The following NF2 variants were observed in gnomAD, a reference collection of about 807,000 sequenced individuals.
The protein encoded by NF2 is NF2, moesin-ezrin-radixin like (MERLIN) tumor suppressor.
NF2 carries 8 observed loss-of-function variants against 83.7 expected under a neutral mutation model. The observed-to-expected ratio is 0.10, with a 90% confidence interval of 0.06 to 0.17. The LOEUF is 0.17. Ranked by LOEUF, NF2 falls within the 10% of genes least tolerant of loss-of-function variation. The pLI is 1.00. For synonymous variants in NF2, 266 were observed against 269.6 expected (o/e 0.99, Z 0.13); for missense variants, 533 against 744.4 (o/e 0.72, Z 3.31).
chr22:29,665,244 T>G lies in NF2; in HGVS notation c.885+180T>G, dbSNP rs2066587833. Among the ~76,000 whole-genome samples, 3 of 152,108 alleles carry G rather than the reference T, an allele frequency of 2.0e-5. No homozygotes were observed. In the South Asian group the frequency reaches 6.2e-4, roughly 32 times the overall value. Reference sequence around the variant, plus strand: ...AATTATATCATGAAGAAGTTTTTTTTTTTGTTTTTTTTTTGAGACAGAGTC... The same window carrying G: ...AATTATATCATGAAGAAGTTTTTTTGTTTGTTTTTTTTTTGAGACAGAGTC... On this transcript the variant is annotated intron_variant, in intron 9 of 15. Coordinates refer to ENST00000338641, the MANE Select transcript of NF2 (RefSeq NM_000268.4).
At chr22:29,643,915 G>C (rs1447833531) in intron 4 of NF2, among the ~76,000 whole-genome samples, 2 of 150,456 alleles carry the variant, frequency 1.3e-5, no homozygotes, top group African/African-American at 4.9e-5. Context: ...TGGCCGGGCG[G>C]GGGGCTGACC....
chr22:29,623,659 G>A (rs1247854151), intron 1 of NF2, among the ~76,000 whole-genome samples: 7 of 152,174 alleles, frequency 4.6e-5, no homozygotes, highest in Admixed American at 3.9e-4. Context: ...AGTCAGTCAG[G>A]CAGAAGGGAA....
chr22:29,679,865 CAAAAA>C (rs1162770802), intron 14 of NF2, among the ~76,000 whole-genome samples: 1 of 117,288 alleles, frequency 8.5e-6, no homozygotes, highest in Admixed American at 8.8e-5. Context: ...CACCCTGTCT[CAAAAA>C]AAAAAAAAAG....
At chr22:29,687,210 G>A (rs73390939) in intron 15 of NF2, among the ~76,000 whole-genome samples, 2,095 of 152,284 alleles carry the variant, frequency 0.014, 55 homozygotes, top group African/African-American at 0.048. Flanking sequence ...GGAAATTGAC[G>A]GATGAGAAAT....
At chr22:29,655,531 G>A (rs1047916423) in intron 5 of NF2, 63 bp from the exon 6 acceptor site, 1 of 1,194,288 alleles carries the variant, frequency 8.4e-7, no homozygotes, top group African/African-American at 1.5e-5. Context: ...AATTATAAAA[G>A]TGGCAAACAA....
At chr22:29,616,268 T>A (rs908197603) in intron 1 of NF2, among the ~76,000 whole-genome samples, 7 of 152,182 alleles carry the variant, frequency 4.6e-5, no homozygotes, top group Non-Finnish European at 1.0e-4. Flanking sequence ...ACACTGAATG[T>A]ACTAAAAACT....
At position 29,636,629 on chromosome 22, in the gene NF2, T is replaced by A; in HGVS notation, c.115-122T>A. ...GCTTTAAAATTATTTAGGAATTCAG[T>A]CCTCATCAGCTGTCTTAGTGTCATC... is the stretch of plus-strand genomic sequence containing the variant. On this transcript the variant is annotated intron_variant, in intron 1 of 15. Transcript: ENST00000338641. This position sits in a 1 kb window ranked among gnomAD's most constrained non-coding sequence, Gnocchi z 4.4. 8.0e-7 allele frequency: 1 copy of A among 1,246,412 alleles called. No individual in the cohort carries two copies. The highest frequency in any genetic ancestry group is 1.2e-5 in the South Asian group (1 of 82,576). The allele number at this position is 1,246,412 out of a possible 1,614,324, so 77.2% of individuals were successfully genotyped here.
In NF2 at chr22:29,603,761, C is replaced by T; in HGVS notation, c.-238C>T. On this transcript the variant is annotated 5_prime_UTR_variant, in exon 1 of 16. Transcript: ENST00000338641. ...GCCGGGTCGCGCCTGCACCGAAGGTCCCGGCTCCTGTGCCCTCCCTGCAGC... is the reference window on the plus strand; with the variant it reads ...GCCGGGTCGCGCCTGCACCGAAGGTTCCGGCTCCTGTGCCCTCCCTGCAGC... 2 of 532,756 alleles carry T rather than the reference C, an allele frequency of 3.8e-6. No individual in the cohort carries two copies. The highest frequency in any genetic ancestry group is 6.6e-6 in the Non-Finnish European group (2 of 304,782). 33.0% of individuals were successfully genotyped at this position (532,756 alleles called of 1,614,324 possible).
Position 29,636,731 on chromosome 22 carries a change from C to G in NF2, c.115-20C>G, listed in dbSNP as rs377537064. On this transcript the variant is annotated intron_variant, in intron 1 of 15. Coordinates refer to ENST00000338641, the MANE Select transcript of NF2 (RefSeq NM_000268.4). This position sits in a 1 kb window ranked among gnomAD's most constrained non-coding sequence, Gnocchi z 4.4. ...TGATTTTTGCTCACAGTGTCCTTCC[C>G]CATTGGTTTGTTATTGCAGATGAAG... 7 of 1,614,072 alleles carry G rather than the reference C, an allele frequency of 4.3e-6. No homozygotes were observed. In the East Asian group the frequency reaches 6.7e-5, roughly 15 times the overall value.
chr22:29,664,211 G>T (rs770286973), intron 8 of NF2, among the ~76,000 whole-genome samples: 1 of 152,078 alleles, frequency 6.6e-6, no homozygotes, highest in East Asian at 1.9e-4. Flanking sequence ...GGCCTCAAGC[G>T]ATCCTCCTGC....
chr22:29,622,148 T>G (rs1424390921), intron 1 of NF2, among the ~76,000 whole-genome samples: 3 of 152,240 alleles, frequency 2.0e-5, no homozygotes, highest in Non-Finnish European at 4.4e-5. Context: ...AAGGACTTCC[T>G]CAACTTAACA....
At chr22:29,606,414 G>C (rs539372490) in intron 1 of NF2, among the ~76,000 whole-genome samples, 8 of 152,322 alleles carry the variant, frequency 5.3e-5, no homozygotes, top group African/African-American at 1.9e-4. Context: ...TCCACCAAGT[G>C]CTCAGTTCCT....
At chr22:29,631,081 C>T (rs914646584) in intron 1 of NF2, among the ~76,000 whole-genome samples, 5 of 152,142 alleles carry the variant, frequency 3.3e-5, no homozygotes, top group Middle Eastern at 3.2e-3. Flanking sequence ...TCCTAATCAG[C>T]GTGGAGAGTC....
chr22:29,656,403 T>C (rs2066307909), intron 6 of NF2, among the ~76,000 whole-genome samples: 2 of 146,208 alleles, frequency 1.4e-5, no homozygotes, highest in African/African-American at 2.5e-5. Context: ...TCTGGGGATA[T>C]ATTCTTTTTT....
intron 4 of NF2, 50 bp downstream of exon 4, chr22:29,642,335 A>C: frequency 7.0e-7 from 1 of 1,420,324 alleles, no homozygotes; most frequent in Admixed American, 1.7e-5. Context: ...AATTTGGGTC[A>C]TGGGATCACT....
At chr22:29,639,257 A>G (rs773072811) in intron 3 of NF2, 45 bp downstream of exon 3, 13 of 1,612,978 alleles carry the variant, frequency 8.1e-6, no homozygotes, top group Non-Finnish European at 1.1e-5. Context: ...GAACTTGCCC[A>G]GGAGTGGTTG....
At chr22:29,683,226 G>A (rs951421928) in intron 15 of NF2, 4 of 1,571,400 alleles carry the variant, frequency 2.5e-6, no homozygotes, top group African/African-American at 2.7e-5. Context: ...TCTAAAAGTA[G>A]GCACCCACCC....
chr22:29,630,077 A>G (rs1292732149), intron 1 of NF2, among the ~76,000 whole-genome samples: 1 of 152,176 alleles, frequency 6.6e-6, no homozygotes, highest in Non-Finnish European at 1.5e-5. Context: ...TCCCAAAGAA[A>G]ACAGTGGGAG....
rs2065836143 is a variant in NF2 at position 29,642,411 on chromosome 22, T to C, written c.447+126T>C. ...ACTTGCCCCAGAAAGTGAGATGTTA[T>C]GGGACTTGTGGACTTGAAGAACCAC... On this transcript the variant is annotated intron_variant, in intron 4 of 15. Coordinates refer to ENST00000338641, the MANE Select transcript of NF2 (RefSeq NM_000268.4). The C allele has an allele frequency of 3.9e-6, 3 of 766,442 alleles. No homozygotes were observed. The South Asian group carries it at 4.4e-5, about 11-fold the overall frequency. The allele number at this position is 766,442 out of a possible 1,614,324, so 47.5% of individuals were successfully genotyped here. A position where few individuals can be genotyped will look rare whatever the true frequency, so the allele number is the denominator to read the frequency against.
Sources: gnomAD v4.1 joint callset for allele counts (sites outside exome capture counted in the v4.1 genomes callset) on GRCh38, gnomAD v4.1.1 for gene constraint, Gnocchi (gnomAD v3.1) non-coding constraint, MANE v1.5 for transcripts, NCBI Gene and HGNC (gene_info 2026-07-23, HGNC 2026-07-21) for gene names.